The following CACNA1C variants were observed in gnomAD, a reference collection of about 807,000 sequenced individuals.
The protein encoded by CACNA1C is calcium voltage-gated channel subunit alpha1 C, also known as voltage-dependent L-type calcium channel subunit alpha-1C.
A neutral mutation model predicts 229.0 loss-of-function variants in CACNA1C; 30 were observed. The ratio of observed to expected loss-of-function variants is 0.13; its 90% CI spans 0.10 to 0.18. The LOEUF is 0.18. CACNA1C is among the 10% of genes least tolerant of loss of function. The probability of loss-of-function intolerance (pLI) is 1.00; values close to 1 mark genes in which losing one functional copy is unlikely to be tolerated. For synonymous variants in CACNA1C, 1,114 were observed against 1,132.5 expected (o/e 0.98, Z 0.33); for missense variants, 1,658 against 2,845.0 (o/e 0.58, Z 9.49).
intron 3 of CACNA1C, among the ~76,000 whole-genome samples, chr12:2,342,509 G>A (rs1264189778): frequency 6.6e-6 from 1 of 152,186 alleles, no homozygotes; most frequent in East Asian, 1.9e-4. Flanking sequence ...GCCCATGAAT[G>A]TGACTATGCC....
intron 1 of CACNA1C, among the ~76,000 whole-genome samples, chr12:2,078,656 T>C (rs144994619): frequency 6.6e-6 from 1 of 152,192 alleles, no homozygotes; most frequent in Non-Finnish European, 1.5e-5. Flanking sequence ...ATCACAACAA[T>C]GCACATATAG....
chr12:2,397,365 A>T (rs1388355748), intron 3 of CACNA1C, among the ~76,000 whole-genome samples: 4 of 152,240 alleles, frequency 2.6e-5, no homozygotes, highest in African/African-American at 9.6e-5. Context: ...CACAGGTAAG[A>T]GTGGGAGCTC....
chr12:2,514,969 C>T (rs751116242), intron 9 of CACNA1C, among the ~76,000 whole-genome samples: 2 of 152,198 alleles, frequency 1.3e-5, no homozygotes, highest in African/African-American at 2.4e-5. Context: ...TAATGAGCTG[C>T]CTAACCCAAT....
intron 5 of CACNA1C, among the ~76,000 whole-genome samples, chr12:2,465,759 T>G (rs2099546673): frequency 6.6e-6 from 1 of 152,090 alleles, no homozygotes; most frequent in Non-Finnish European, 1.5e-5. Context: ...ACCATGAATC[T>G]TGAATTCCAG....
At chr12:2,268,395 C>G (rs2083282622) in intron 3 of CACNA1C, among the ~76,000 whole-genome samples, 1 of 152,204 alleles carries the variant, frequency 6.6e-6, no homozygotes, top group Non-Finnish European at 1.5e-5. Context: ...TATCCAAGGC[C>G]TGGGCCAGCT....
At chr12:2,593,855 C>T (rs1015919179) in intron 19 of CACNA1C, among the ~76,000 whole-genome samples, 1 of 152,226 alleles carries the variant, frequency 6.6e-6, no homozygotes. Context: ...TTCAGTCCAT[C>T]CTTTAGCTAG....
intron 11 of CACNA1C, among the ~76,000 whole-genome samples, chr12:2,564,980 T>C (rs1005356832): frequency 1.4e-4 from 22 of 152,048 alleles, no homozygotes; most frequent in Admixed American, 9.2e-4. Context: ...ATGGTTCTTC[T>C]CTCCTTGCAC....
intron 3 of CACNA1C, among the ~76,000 whole-genome samples, chr12:2,282,573 C>G (rs1383468766): frequency 2.6e-5 from 4 of 152,232 alleles, no homozygotes; most frequent in South Asian, 2.1e-4. Flanking sequence ...CAAAACCACT[C>G]CTTCCCTCAC....
Position 2,449,010 on chromosome 12 carries a change from C to T in CACNA1C, c.512C>T (p.Thr171Met), listed in dbSNP as rs199586997. 1.2e-5 allele frequency: 19 copies of T among 1,607,176 alleles called. No homozygotes were observed. Among genetic ancestry groups the T allele is most frequent in the Admixed American group, 6.7e-5 (4 of 59,762 alleles). Residue 171 changes from threonine (T) to methionine (M), a missense_variant, in exon 4 of 47, where the codon ACG becomes ATG. By Grantham distance (81) the Thr-to-Met change is moderately conservative. Transcript: ENST00000399655. ...RVEYLFLIIF[T>M]VEAFLKVIAY... Reference sequence around the variant, plus strand: ...GAATATCTCTTTCTCATAATTTTTACGGTGGAAGCGTTTTTAAAAGTAATC... The same window carrying T: ...GAATATCTCTTTCTCATAATTTTTATGGTGGAAGCGTTTTTAAAAGTAATC...
At chr12:2,039,688 G>T (rs12298571) in intron 1 of CACNA1C, among the ~76,000 whole-genome samples, 2,463 of 152,246 alleles carry the variant, frequency 0.016, 63 homozygotes, top group African/African-American at 0.056. Flanking sequence ...AGAAGAACTT[G>T]ACCCGGGACT....
chr12:2,674,751 A>ACTTGCTT, intron 39 of CACNA1C, 109 bp downstream of exon 39: 1 of 1,080,656 alleles, frequency 9.3e-7, no homozygotes, highest in South Asian at 1.6e-5. Context: ...ATCCCCTGAG[A>ACTTGCTT]CTTGCTTCTT....
intron 3 of CACNA1C, among the ~76,000 whole-genome samples, chr12:2,360,311 G>C (rs144671013): frequency 3.3e-5 from 5 of 152,020 alleles, no homozygotes; most frequent in African/African-American, 1.2e-4. Flanking sequence ...GCAGCATCCC[G>C]CTAGATCTTC....
chr12:2,571,887 G>C (rs1216797906), intron 13 of CACNA1C, among the ~76,000 whole-genome samples: 1 of 152,184 alleles, frequency 6.6e-6, no homozygotes, highest in Non-Finnish European at 1.5e-5. Context: ...GGTTGGGAGT[G>C]GACATTGTGG....
At chr12:2,329,308 T>C (rs1431692596) in intron 3 of CACNA1C, among the ~76,000 whole-genome samples, 2 of 152,206 alleles carry the variant, frequency 1.3e-5, no homozygotes, top group Non-Finnish European at 2.9e-5. Flanking sequence ...TTATTACAAT[T>C]TTTCAAACAC....
Position 2,567,699 on chromosome 12 carries a change from C to T in CACNA1C, c.1800C>T (p.Ile600=), listed in dbSNP as rs1057523219. The T allele has an allele frequency of 1.2e-5, 20 of 1,613,812 alleles. No individual in the cohort carries two copies. The highest frequency in any genetic ancestry group is 1.7e-5 in the Non-Finnish European group (20 of 1,179,812). ...RFDCFVVCGG[I]LETILVETKI... ...ACTGCTTCGTCGTGTGTGGCGGCAT[C>T]CTGGAGACCATCCTGGTGGAGACCA... The change falls in exon 13 of 47, where the codon ATC becomes ATT. Residue 600 remains isoleucine (I), a synonymous_variant. Coordinates refer to ENST00000399655, the MANE Select transcript of CACNA1C (RefSeq NM_000719.7).
intron 26 of CACNA1C, 101 bp downstream of exon 26, chr12:2,607,231 G>A: frequency 1.6e-6 from 2 of 1,265,466 alleles, no homozygotes; most frequent in Non-Finnish European, 2.2e-6. Flanking sequence ...CACTCCCTCT[G>A]GAGGTCATAT....
chr12:2,357,471 G>A (rs958765917), intron 3 of CACNA1C, among the ~76,000 whole-genome samples: 1 of 152,058 alleles, frequency 6.6e-6, no homozygotes, highest in Admixed American at 6.6e-5. Flanking sequence ...CTCCCTAAGT[G>A]ACATCCCTCT....
chr12:2,516,430 G>C (rs1462762249), intron 9 of CACNA1C, among the ~76,000 whole-genome samples: 3 of 152,166 alleles, frequency 2.0e-5, no homozygotes, highest in African/African-American at 7.2e-5. Flanking sequence ...AACACGATCT[G>C]ACAGACACTT....
intron 29 of CACNA1C, among the ~76,000 whole-genome samples, chr12:2,627,002 AGT>A (rs1297589659): frequency 6.6e-6 from 1 of 152,228 alleles, no homozygotes; most frequent in African/African-American, 2.4e-5. Context: ...TCCAGTTAAA[AGT>A]GTGCATTCTA....
Sources: allele counts gnomAD v4.1 joint callset (sites outside exome capture counted in the v4.1 genomes callset), GRCh38; gene constraint gnomAD v4.1.1; transcripts MANE v1.5; gene names NCBI Gene and HGNC (gene_info 2026-07-23, HGNC 2026-07-21).